Variants in MSRA observed in about 807,000 individuals in gnomAD.
The protein encoded by MSRA is methionine sulfoxide reductase A, also known as mitochondrial peptide methionine sulfoxide reductase.
A neutral mutation model predicts 31.3 loss-of-function variants in MSRA; 54 were observed. The observed-to-expected ratio is 1.73, with a 90% CI of 1.39 to 2.17. The LOEUF (loss-of-function observed/expected upper bound fraction) is 2.17. Ranked by LOEUF, MSRA falls within the 30% of genes most tolerant of loss-of-function variation. The probability of loss-of-function intolerance (pLI) is 0.00; values close to 1 mark genes in which losing one functional copy is unlikely to be tolerated. For synonymous variants in MSRA, 169 were observed against 116.5 expected, an observed-to-expected ratio of 1.45 and a Z score of -2.90; for missense variants, 507 against 300.9, an observed-to-expected ratio of 1.69 and a Z score of -5.07.
intron 5 of MSRA, among the ~76,000 whole-genome samples, chr8:10,421,716 T>C (rs576146427): frequency 1.3e-5 from 2 of 152,294 alleles, no homozygotes; most frequent in African/African-American, 2.4e-5. Context: ...GTGACCCGGC[T>C]GCTTTTCGTG....
At chr8:10,209,275 GATTT>G (rs1223308205) in intron 2 of MSRA, among the ~76,000 whole-genome samples, 8 of 152,156 alleles carry the variant, frequency 5.3e-5, no homozygotes, top group Admixed American at 1.3e-4. Flanking sequence ...GTCTTTTGAT[GATTT>G]ATTTATTTAT....
chr8:10,403,714 G>A (rs1223703039), intron 5 of MSRA, among the ~76,000 whole-genome samples: 1 of 152,190 alleles, frequency 6.6e-6, no homozygotes, highest in East Asian at 1.9e-4. Context: ...AGTTGAAACT[G>A]GTGTGAGACA....
chr8:10,400,035 T>A (rs1173606070), intron 5 of MSRA, among the ~76,000 whole-genome samples: 1 of 152,130 alleles, frequency 6.6e-6, no homozygotes, highest in Non-Finnish European at 1.5e-5. Context: ...ATGGATTGTT[T>A]AGGGACTAGC....
At chr8:10,211,411 C>T (rs1433654681) in intron 2 of MSRA, among the ~76,000 whole-genome samples, 1 of 152,154 alleles carries the variant, frequency 6.6e-6, no homozygotes, top group Non-Finnish European at 1.5e-5. Context: ...CTCTCCTCTG[C>T]CCTTTTGGAC....
chr8:10,153,235 C>A (rs1286399672), intron 1 of MSRA, among the ~76,000 whole-genome samples: 1 of 152,042 alleles, frequency 6.6e-6, no homozygotes, highest in Non-Finnish European at 1.5e-5. Context: ...GAGAAGTTGG[C>A]CTGGCTGGAC....
chr8:10,353,506 T>C (rs1432935124), intron 5 of MSRA: 15 of 418,320 alleles, frequency 3.6e-5, no homozygotes, highest in South Asian at 6.9e-5. Context: ...CCCGTGTATC[T>C]GTGTTAGCAG....
chr8:10,351,551 C>T (rs1293671425), intron 5 of MSRA, among the ~76,000 whole-genome samples: 1 of 152,056 alleles, frequency 6.6e-6, no homozygotes, highest in Non-Finnish European at 1.5e-5. Context: ...TGTGCCCGGC[C>T]GAAAGTGACT....
intron 5 of MSRA, among the ~76,000 whole-genome samples, chr8:10,391,052 C>T (rs550719553): frequency 1.3e-5 from 2 of 151,752 alleles, no homozygotes; most frequent in East Asian, 1.9e-4. Context: ...CTCAAATGTA[C>T]TTCACGTTCT....
At chr8:10,249,287 G>C (rs1277057846) in intron 3 of MSRA, among the ~76,000 whole-genome samples, 1 of 152,172 alleles carries the variant, frequency 6.6e-6, no homozygotes, top group Non-Finnish European at 1.5e-5. Context: ...GCCTCTCTGA[G>C]ATATATATCT....
chr8:10,309,394 T>G (rs959257488), intron 4 of MSRA, among the ~76,000 whole-genome samples: 1 of 152,244 alleles, frequency 6.6e-6, no homozygotes, highest in East Asian at 1.9e-4. Context: ...ATGCCGCCTG[T>G]GGAAGGGCCG....
chr8:10,213,798 G>A (rs929665265), intron 2 of MSRA, among the ~76,000 whole-genome samples: 11 of 152,138 alleles, frequency 7.2e-5, no homozygotes, highest in Non-Finnish European at 1.2e-4. Flanking sequence ...TGGGAGTGCA[G>A]AGGTCTCTTC....
intron 1 of MSRA, among the ~76,000 whole-genome samples, chr8:10,120,527 T>C (rs369009582): frequency 1.4e-4 from 21 of 152,344 alleles, no homozygotes; most frequent in Non-Finnish European, 2.5e-4. Flanking sequence ...TGGATTCTTA[T>C]GTTTTATCCA....
At chr8:10,161,095 G>C (rs28430316) in intron 1 of MSRA, among the ~76,000 whole-genome samples, 1 of 152,166 alleles carries the variant, frequency 6.6e-6, no homozygotes, top group African/African-American at 2.4e-5. Flanking sequence ...ATATTATCAA[G>C]CTTCCAGATA....
At chr8:10,123,198 G>C (rs1454822713) in intron 1 of MSRA, among the ~76,000 whole-genome samples, 1 of 152,170 alleles carries the variant, frequency 6.6e-6, no homozygotes, top group Non-Finnish European at 1.5e-5. Context: ...GTTATGTTTT[G>C]ACTTTTTAGT....
At chr8:10,202,637 A>G (rs1457536334) in intron 1 of MSRA, among the ~76,000 whole-genome samples, 1 of 152,220 alleles carries the variant, frequency 6.6e-6, no homozygotes, top group Admixed American at 6.5e-5. Flanking sequence ...GATGTCTGCC[A>G]TGGGCATGGT....
intron 2 of MSRA, among the ~76,000 whole-genome samples, chr8:10,220,553 T>G (rs1255944310): frequency 6.6e-6 from 1 of 152,260 alleles, no homozygotes; most frequent in Non-Finnish European, 1.5e-5. Context: ...TTTATTTTTT[T>G]GCCATATGCC....
chr8:10,181,731 G>A (rs1032996839), intron 1 of MSRA, among the ~76,000 whole-genome samples: 1 of 152,210 alleles, frequency 6.6e-6, no homozygotes, highest in Non-Finnish European at 1.5e-5. Flanking sequence ...GAGGTGGTGA[G>A]AAGTGGTCGT....
intron 1 of MSRA, among the ~76,000 whole-genome samples, chr8:10,081,575 C>T (rs750475570): frequency 3.3e-5 from 5 of 152,254 alleles, no homozygotes; most frequent in African/African-American, 4.8e-5. Flanking sequence ...CTGCAACCTC[C>T]GCCTCCCGGG....
chr8:10,093,791 T>C (rs1267323528), intron 1 of MSRA, among the ~76,000 whole-genome samples: 1 of 152,244 alleles, frequency 6.6e-6, no homozygotes, highest in Non-Finnish European at 1.5e-5. Context: ...CCTTTATTTC[T>C]TGTAGAGCAG....
Sources: gnomAD v4.1 joint callset for allele counts (sites outside exome capture counted in the v4.1 genomes callset) on GRCh38, gnomAD v4.1.1 for gene constraint, MANE v1.5 for transcripts, NCBI Gene and HGNC (gene_info 2026-07-23, HGNC 2026-07-21) for gene names.